XKR9: variants seen among roughly 807,000 people sequenced by gnomAD.
XKR9 encodes XK-related protein 9.
In XKR9, 32 loss-of-function variants were observed where a neutral mutation model predicts 32.0. That is an observed-to-expected ratio of 1.00 (90% CI 0.76 to 1.34). The LOEUF is 1.34. XKR9 is among the 40% of genes most tolerant of loss of function. The pLI is 0.00. For synonymous variants in XKR9, 168 were observed against 143.4 expected, an observed-to-expected ratio of 1.17 and a Z score of -1.22; for missense variants, 546 against 429.7, an observed-to-expected ratio of 1.27 and a Z score of -2.39.
At chr8:70,849,500 G>A in the XKR9 span, among the ~76,000 whole-genome samples, 2 of 152,106 alleles carry the variant, frequency 1.3e-5, no homozygotes, top group African/African-American at 4.8e-5. Flanking sequence ...CTAAATGCCT[G>A]CAGGAGAAAG....
the XKR9 span, among the ~76,000 whole-genome samples, chr8:70,836,670 C>G: frequency 4.6e-5 from 7 of 151,770 alleles, no homozygotes; most frequent in Non-Finnish European, 8.8e-5. Flanking sequence ...ATTTTTGAAC[C>G]AATATCTTTA....
chr8:70,932,571 A>G, the XKR9 span, among the ~76,000 whole-genome samples: 8 of 152,278 alleles, frequency 5.3e-5, no homozygotes, highest in East Asian at 1.5e-3. Flanking sequence ...GCCTGTCATA[A>G]TAAAGTATTA....
chr8:70,874,366 A>G, the XKR9 span, among the ~76,000 whole-genome samples: 1 of 152,232 alleles, frequency 6.6e-6, no homozygotes. Context: ...ATTCTGTATG[A>G]TAGATCCCTA....
At chr8:70,960,876 A>G in the XKR9 span, among the ~76,000 whole-genome samples, 3 of 68,318 alleles carry the variant, frequency 4.4e-5, no homozygotes, top group Admixed American at 1.3e-4. Flanking sequence ...TGTCTTAAGA[A>G]AAAAAAAAAA....
the XKR9 span, among the ~76,000 whole-genome samples, chr8:70,970,110 T>C: frequency 9.2e-5 from 14 of 152,204 alleles, no homozygotes; most frequent in Non-Finnish European, 1.8e-4. Context: ...GTACTCTTAA[T>C]ATATATACTC....
chr8:70,855,140 C>T, the XKR9 span, among the ~76,000 whole-genome samples: 28 of 151,804 alleles, frequency 1.8e-4, no homozygotes, highest in African/African-American at 3.6e-4. Flanking sequence ...ATGACTTTGA[C>T]GAGTTGAGAG....
At chr8:70,942,323 C>CT in the XKR9 span, among the ~76,000 whole-genome samples, 1 of 152,106 alleles carries the variant, frequency 6.6e-6, no homozygotes, top group Non-Finnish European at 1.5e-5. Context: ...TTGTGGTTCC[C>CT]TAGGAACATT....
chr8:70,970,226 A>T, the XKR9 span, among the ~76,000 whole-genome samples: 1 of 152,234 alleles, frequency 6.6e-6, no homozygotes, highest in African/African-American at 2.4e-5. Flanking sequence ...ATCTTTTCAT[A>T]TGATGACTTC....
intron 2 of XKR9, among the ~76,000 whole-genome samples, chr8:70,678,736 G>A (rs2132106184): frequency 6.6e-6 from 1 of 152,186 alleles, no homozygotes; most frequent in Non-Finnish European, 1.5e-5. Flanking sequence ...GAGAAGCAGT[G>A]ATCATAACTG....
At chr8:70,963,856 T>C in the XKR9 span, among the ~76,000 whole-genome samples, 3 of 152,262 alleles carry the variant, frequency 2.0e-5, no homozygotes, top group Admixed American at 6.5e-5. Context: ...TCCTTGTAGA[T>C]ACTGGATATT....
At chr8:71,064,142 G>A in the XKR9 span, among the ~76,000 whole-genome samples, 1 of 152,030 alleles carries the variant, frequency 6.6e-6, no homozygotes, top group Admixed American at 6.6e-5. Flanking sequence ...TAAAAGTATA[G>A]AGATGAGTGT....
the XKR9 span, among the ~76,000 whole-genome samples, chr8:70,801,651 G>A: frequency 6.6e-6 from 1 of 152,164 alleles, no homozygotes; most frequent in Non-Finnish European, 1.5e-5. Flanking sequence ...GTCTTTGGAT[G>A]AAGTGTTCTG....
chr8:70,781,912 G>T (rs1459730516), intron 2 of XKR9, among the ~76,000 whole-genome samples: 1 of 152,150 alleles, frequency 6.6e-6, no homozygotes, highest in Non-Finnish European at 1.5e-5. Context: ...TAGCACTTGT[G>T]TTCTATGATT....
the XKR9 span, among the ~76,000 whole-genome samples, chr8:70,800,742 TCC>T: frequency 1.3e-5 from 2 of 152,142 alleles, no homozygotes; most frequent in East Asian, 1.9e-4. Context: ...CGCCTCAGCC[TCC>T]CGAAGTGCTG....
At chr8:70,834,364 G>C in the XKR9 span, among the ~76,000 whole-genome samples, 29 of 152,014 alleles carry the variant, frequency 1.9e-4, no homozygotes, top group African/African-American at 6.7e-4. Context: ...CATTTATATT[G>C]TTTCCATTTA....
chr8:70,946,219 C>G, the XKR9 span, among the ~76,000 whole-genome samples: 1 of 152,154 alleles, frequency 6.6e-6, no homozygotes, highest in African/African-American at 2.4e-5. Flanking sequence ...CTAAGTAGCT[C>G]TTTCCCAACT....
chr8:70,798,059 A>T, the XKR9 span, among the ~76,000 whole-genome samples: 2 of 152,076 alleles, frequency 1.3e-5, no homozygotes, highest in Non-Finnish European at 2.9e-5. Context: ...ATTCCTTTGG[A>T]TATATACTCA....
At chr8:70,796,519 CA>C in the XKR9 span, among the ~76,000 whole-genome samples, 1 of 151,984 alleles carries the variant, frequency 6.6e-6, no homozygotes, top group Non-Finnish European at 1.5e-5. Flanking sequence ...TTTCACAGTA[CA>C]AACTTTTGGC....
At chr8:70,945,931 T>C in the XKR9 span, among the ~76,000 whole-genome samples, 6 of 152,160 alleles carry the variant, frequency 3.9e-5, no homozygotes, top group African/African-American at 1.4e-4. Context: ...TGTCAAGAGA[T>C]AGAGACCATC....
Sources: gnomAD v4.1 joint callset for allele counts (sites outside exome capture counted in the v4.1 genomes callset) on GRCh38, gnomAD v4.1.1 for gene constraint, MANE v1.5 for transcripts, NCBI Gene and HGNC (gene_info 2026-07-23, HGNC 2026-07-21) for gene names.